The following WWOX variants were observed in gnomAD, a reference collection of about 807,000 sequenced individuals.
WWOX encodes the protein WW domain containing oxidoreductase, also known as WW domain-containing oxidoreductase.
Under a neutral mutation model 46.2 loss-of-function variants are expected in WWOX, and 69 were observed. The ratio of observed to expected loss-of-function variants is 1.49; its 90% CI spans 1.23 to 1.82. The LOEUF is 1.82. Ranked by LOEUF, WWOX falls within the 40% of genes most tolerant of loss-of-function variation. WWOX has a pLI of 0.00. For synonymous variants in WWOX, 359 were observed against 202.6 expected (o/e 1.77, Z -6.56); for missense variants, 919 against 542.6 (o/e 1.69, Z -6.89).
intron 8 of WWOX, among the ~76,000 whole-genome samples, chr16:78,435,172 G>A (rs1359256126): frequency 6.6e-6 from 1 of 152,120 alleles, no homozygotes; most frequent in Non-Finnish European, 1.5e-5. Flanking sequence ...TATGGGGTTA[G>A]AAATGGAGGC....
At chr16:78,915,849 G>C (rs939758678) in intron 8 of WWOX, among the ~76,000 whole-genome samples, 2 of 152,166 alleles carry the variant, frequency 1.3e-5, no homozygotes, top group African/African-American at 4.8e-5. Flanking sequence ...GATCACCACA[G>C]CTTTATAACA....
At position 78,108,549 on chromosome 16, in the gene WWOX, T is replaced by C. The variant is rs375718992; in HGVS notation, c.172+62T>C. ...CATTAAGTAGATGAGGAAATGTCACTGGCAGAGAGGTGACAGGTTATTGTG... is the reference window on the plus strand; with the variant it reads ...CATTAAGTAGATGAGGAAATGTCACCGGCAGAGAGGTGACAGGTTATTGTG... On this transcript the variant is annotated intron_variant, in intron 2 of 8. Transcript: ENST00000566780. 2.6e-6 allele frequency: 4 copies of C among 1,563,116 alleles called. No individual in the cohort carries two copies. The African/African-American group carries it at 4.1e-5, about 16-fold the overall frequency.
intron 8 of WWOX, among the ~76,000 whole-genome samples, chr16:78,960,543 C>T (rs1453414160): frequency 1.3e-5 from 2 of 152,232 alleles, no homozygotes; most frequent in African/African-American, 4.8e-5. Context: ...AAGGAAATAT[C>T]TCCACAAGAG....
At chr16:79,078,490 C>T (rs2048701467) in intron 8 of WWOX, among the ~76,000 whole-genome samples, 1 of 152,172 alleles carries the variant, frequency 6.6e-6, no homozygotes. Context: ...CGCAACATTT[C>T]TCTCTGTAGG....
intron 8 of WWOX, among the ~76,000 whole-genome samples, chr16:78,765,330 G>T (rs917369058): frequency 6.6e-6 from 1 of 152,236 alleles, no homozygotes; most frequent in Non-Finnish European, 1.5e-5. Context: ...TTGAACACTA[G>T]GGTGAGGGCT....
intron 8 of WWOX, among the ~76,000 whole-genome samples, chr16:78,983,907 T>G: frequency 8.1e-6 from 1 of 123,488 alleles, no homozygotes; most frequent in Admixed American, 1.0e-4. Flanking sequence ...AGATGGAGTC[T>G]TGCTCTGTTA....
At chr16:78,952,947 C>A (rs1410169992) in intron 8 of WWOX, among the ~76,000 whole-genome samples, 1 of 151,966 alleles carries the variant, frequency 6.6e-6, no homozygotes, top group African/African-American at 2.4e-5. Context: ...ATGGATGGGC[C>A]AGCAAAGGCT....
At chr16:79,106,407 C>T (rs2049308123) in intron 8 of WWOX, among the ~76,000 whole-genome samples, 1 of 152,136 alleles carries the variant, frequency 6.6e-6, no homozygotes, top group East Asian at 1.9e-4. Context: ...TTCCTCTTAC[C>T]TCTAAATTCT....
chr16:79,113,053 G>T (rs566857320), intron 8 of WWOX, among the ~76,000 whole-genome samples: 5 of 152,198 alleles, frequency 3.3e-5, no homozygotes, highest in Admixed American at 2.6e-4. Flanking sequence ...AATGGTGAAC[G>T]GCACAGTCAT....
chr16:78,731,708 G>T (rs549947408), intron 8 of WWOX, among the ~76,000 whole-genome samples: 1 of 152,128 alleles, frequency 6.6e-6, no homozygotes, highest in Middle Eastern at 3.2e-3. Context: ...TGGAAAGCCT[G>T]TAAGAAGAAG....
intron 6 of WWOX, among the ~76,000 whole-genome samples, chr16:78,402,273 TTC>T (rs2082431208): frequency 6.6e-6 from 1 of 152,214 alleles, no homozygotes. Flanking sequence ...TAGCATAATG[TTC>T]TAGAGGTTCA....
At chr16:79,092,852 C>T (rs1350632623) in intron 8 of WWOX, among the ~76,000 whole-genome samples, 1 of 152,190 alleles carries the variant, frequency 6.6e-6, no homozygotes, top group East Asian at 1.9e-4. Context: ...CCTCAGCCCT[C>T]ATAACCCCCC....
In WWOX at chr16:78,347,186, A is replaced by G. The variant is rs1047429354; in HGVS notation, c.517-39674A>G. ...TAAACTTTGTCTTCCTTCTCTTTCT[A>G]ATTATCTCCTTCCCCCGCCCCCTCC... On this transcript the variant is annotated intron_variant, in intron 5 of 8. Coordinates refer to ENST00000566780, the MANE Select transcript of WWOX (RefSeq NM_016373.4). Among the ~76,000 whole-genome samples the G allele has an allele frequency of 2.6e-5, 3 of 116,816 alleles. 1 individual carries two copies. Among genetic ancestry groups the G allele is most frequent in the African/African-American group, 8.8e-5 (3 of 34,270 alleles). The allele number at this position is 116,816 out of a possible 152,430, so 76.6% of individuals were successfully genotyped here.
At chr16:79,180,464 G>C (rs186179838) in intron 8 of WWOX, among the ~76,000 whole-genome samples, 2 of 152,154 alleles carry the variant, frequency 1.3e-5, no homozygotes, top group South Asian at 4.1e-4. Context: ...GGTGGTGATG[G>C]TGCTGCCTCT....
chr16:78,224,271 G>C (rs1249092533), intron 5 of WWOX, among the ~76,000 whole-genome samples: 3 of 152,050 alleles, frequency 2.0e-5, no homozygotes, highest in African/African-American at 7.2e-5. Flanking sequence ...CCAAAGTGCT[G>C]GGATTACAGG....
At chr16:78,641,059 A>G (rs933464168) in intron 8 of WWOX, among the ~76,000 whole-genome samples, 2 of 152,156 alleles carry the variant, frequency 1.3e-5, no homozygotes, top group Non-Finnish European at 1.5e-5. Context: ...GTAACATAGA[A>G]CAGCTGAAAC....
chr16:78,309,841 C>T (rs12930845), intron 5 of WWOX, among the ~76,000 whole-genome samples: 8,683 of 152,230 alleles, frequency 0.057, 400 homozygotes, highest in African/African-American at 0.11. Flanking sequence ...GGCTCCACTA[C>T]CTGGACCATG....
intron 8 of WWOX, among the ~76,000 whole-genome samples, chr16:78,847,909 T>C (rs562254494): frequency 8.5e-5 from 13 of 152,218 alleles, no homozygotes; most frequent in Admixed American, 8.5e-4. Context: ...ACTTTCTGTT[T>C]CGTTGCTTAC....
chr16:78,358,188 C>T (rs960892449), intron 5 of WWOX, among the ~76,000 whole-genome samples: 1 of 152,094 alleles, frequency 6.6e-6, no homozygotes, highest in Non-Finnish European at 1.5e-5. Context: ...CAACAATTCT[C>T]CTATCGAAAG....
Sources: gnomAD v4.1 joint callset for allele counts (sites outside exome capture counted in the v4.1 genomes callset) on GRCh38, gnomAD v4.1.1 for gene constraint, MANE v1.5 for transcripts, NCBI Gene and HGNC (gene_info 2026-07-23, HGNC 2026-07-21) for gene names.